The following COL26A1 variants were observed in gnomAD, a reference collection of about 807,000 sequenced individuals.
COL26A1 encodes the protein collagen alpha-1(XXVI) chain.
In COL26A1, 41 loss-of-function variants were observed where a neutral mutation model predicts 59.3. The ratio of observed to expected loss-of-function variants is 0.69; its 90% confidence interval spans 0.54 to 0.90. The LOEUF is 0.90. Ranked by LOEUF, COL26A1 falls within the 40% of genes least tolerant of loss-of-function variation. The pLI is 0.00. For synonymous variants in COL26A1, 266 were observed against 256.0 expected (o/e 1.04, Z -0.37); for missense variants, 612 against 602.3 (o/e 1.02, Z -0.17).
At chr7:101,482,343 G>A (rs543268300) in intron 3 of COL26A1, among the ~76,000 whole-genome samples, 39 of 152,188 alleles carry the variant, frequency 2.6e-4, no homozygotes, top group African/African-American at 9.4e-4. Flanking sequence ...TTTTTATGTA[G>A]CTCAGCATGA....
chr7:101,449,377 A>G (rs1249121356), intron 3 of COL26A1, among the ~76,000 whole-genome samples: 3 of 152,188 alleles, frequency 2.0e-5, no homozygotes, highest in African/African-American at 7.2e-5. Flanking sequence ...CAGGCCTGCC[A>G]TCTAGATCCT....
chr7:101,393,431 C>A (rs1791779954), intron 1 of COL26A1, among the ~76,000 whole-genome samples: 1 of 152,096 alleles, frequency 6.6e-6, no homozygotes, highest in Non-Finnish European at 1.5e-5. Context: ...GAGGCTAGGC[C>A]AGTCTAGCCT....
rs1302305480 is a variant in COL26A1, at chr7:101,387,750, ATATT to A, written c.158+24564_158+24567del. ...TTTTAATATAATTATATATATATAT[ATATT>A]TATATATATATATATATATATATAT... On this transcript the variant is annotated intron_variant, in intron 1 of 12. Transcript: ENST00000313669. Among the ~76,000 whole-genome samples, 369 of 99,010 alleles carry A rather than the reference ATATT, an allele frequency of 3.7e-3. 6 individuals carry two copies. The highest frequency in any genetic ancestry group is 0.012 in the African/African-American group (281 of 22,668). 65.0% of individuals were successfully genotyped at this position (99,010 alleles called of 152,430 possible).
chr7:101,431,102 T>C (rs1562975467), intron 2 of COL26A1, among the ~76,000 whole-genome samples: 1 of 152,168 alleles, frequency 6.6e-6, no homozygotes, highest in African/African-American at 2.4e-5. Flanking sequence ...GCGCCCAGCC[T>C]GTATGCCTTT....
chr7:101,401,804 ATGGACCC>A (rs1792014617), intron 1 of COL26A1, among the ~76,000 whole-genome samples: 1 of 151,920 alleles, frequency 6.6e-6, no homozygotes, highest in Non-Finnish European at 1.5e-5. Context: ...CTGGAGAGGG[ATGGACCC>A]TGCAGCAATT....
intron 9 of COL26A1, among the ~76,000 whole-genome samples, chr7:101,550,330 G>A (rs571562614): frequency 2.9e-3 from 437 of 152,070 alleles, no homozygotes; most frequent in Non-Finnish European, 4.9e-3. Context: ...GTGTGGTGGC[G>A]TGCGCCTGTA....
chr7:101,536,363 C>T (rs530893158), intron 4 of COL26A1, among the ~76,000 whole-genome samples: 3 of 152,224 alleles, frequency 2.0e-5, no homozygotes, highest in African/African-American at 7.2e-5. Flanking sequence ...GAGGCAGCGG[C>T]CTGGAGAGGG....
intron 1 of COL26A1, among the ~76,000 whole-genome samples, chr7:101,403,059 G>C (rs1359270946): frequency 6.6e-6 from 1 of 151,832 alleles, no homozygotes; most frequent in Non-Finnish European, 1.5e-5. Context: ...GCCCAGGCTG[G>C]TCTCAAATTC....
At chr7:101,388,690 A>G (rs1016775022) in intron 1 of COL26A1, among the ~76,000 whole-genome samples, 2 of 151,556 alleles carry the variant, frequency 1.3e-5, no homozygotes, top group East Asian at 2.0e-4. Context: ...CAGCCCCCCA[A>G]CTAGCTGGGA....
At chr7:101,549,109 G>T in intron 8 of COL26A1, 62 bp from the exon 9 acceptor site, 1 of 830,706 alleles carries the variant, frequency 1.2e-6, no homozygotes, top group Admixed American at 2.5e-5. Flanking sequence ...CAGGTGCTGG[G>T]GTGGGAGGCT....
chr7:101,410,051 C>T (rs1792208857), intron 1 of COL26A1, among the ~76,000 whole-genome samples: 1 of 152,014 alleles, frequency 6.6e-6, no homozygotes. Flanking sequence ...TGAGCCACCG[C>T]ACCTGGCCAG....
chr7:101,537,924 A>C (rs1162793664), intron 4 of COL26A1, among the ~76,000 whole-genome samples: 1 of 151,660 alleles, frequency 6.6e-6, no homozygotes, highest in East Asian at 1.9e-4. Flanking sequence ...GGATACTGCA[A>C]CCCACCCCCG....
At chr7:101,440,975 CAAAAA>C (rs71891771) in intron 2 of COL26A1, among the ~76,000 whole-genome samples, 2 of 100,384 alleles carry the variant, frequency 2.0e-5, no homozygotes, top group Admixed American at 1.2e-4. Flanking sequence ...GACTCCGTCT[CAAAAA>C]AAAAAAAAAA....
chr7:101,491,207 A>G (rs1794453157), intron 3 of COL26A1, among the ~76,000 whole-genome samples: 1 of 152,116 alleles, frequency 6.6e-6, no homozygotes, highest in South Asian at 2.1e-4. Flanking sequence ...ACCTTCAACT[A>G]GATCACGAGA....
At chr7:101,469,284 G>A (rs762431286) in intron 3 of COL26A1, among the ~76,000 whole-genome samples, 2 of 152,128 alleles carry the variant, frequency 1.3e-5, no homozygotes, top group Non-Finnish European at 2.9e-5. Flanking sequence ...AGGAAATGGA[G>A]ACTGCTGTGG....
chr7:101,415,742 G>A (rs1792356918), intron 1 of COL26A1, among the ~76,000 whole-genome samples: 1 of 152,028 alleles, frequency 6.6e-6, no homozygotes, highest in South Asian at 2.1e-4. Context: ...CGATCCTCCT[G>A]CCTCAGCCTC....
In COL26A1 at chr7:101,470,837, A is replaced by G. The variant is rs1481577371; in HGVS notation, c.385+23050A>G. Among the ~76,000 whole-genome samples, 5 of 152,166 alleles carry G rather than the reference A, an allele frequency of 3.3e-5. No individual in the cohort carries two copies. In the East Asian group the frequency reaches 9.7e-4, roughly 30 times the overall value. The stretch of plus-strand genomic sequence containing the variant: ...CCTGGGGGTCAAGGTTGGAGCTGAA[A>G]GTTCCCACCCTCTAGTCACGTGGCT... On this transcript the variant is annotated intron_variant, in intron 3 of 12. Coordinates refer to ENST00000313669, the MANE Select transcript of COL26A1 (RefSeq NM_001278563.3).
At chr7:101,483,990 A>ATGTGTGTGTGTGT (rs1794212727) in intron 3 of COL26A1, among the ~76,000 whole-genome samples, 1 of 127,926 alleles carries the variant, frequency 7.8e-6, no homozygotes, top group Non-Finnish European at 1.6e-5. Flanking sequence ...AACTTTTTAA[A>ATGTGTGTGTGTGT]GTGTGTGTGT....
intron 2 of COL26A1, among the ~76,000 whole-genome samples, chr7:101,442,674 G>T (rs1477625301): frequency 6.6e-6 from 1 of 152,144 alleles, no homozygotes; most frequent in Non-Finnish European, 1.5e-5. Context: ...GAAGAAAACG[G>T]TCAGAGGTTA....
Sources: gnomAD v4.1 joint callset for allele counts (sites outside exome capture counted in the v4.1 genomes callset) on GRCh38, gnomAD v4.1.1 for gene constraint, MANE v1.5 for transcripts, NCBI Gene and HGNC (gene_info 2026-07-23, HGNC 2026-07-21) for gene names.